GPC5: variants seen among roughly 807,000 people sequenced by gnomAD.
GPC5 encodes the protein glypican 5, also known as glypican-5.
Under a neutral mutation model 53.9 loss-of-function variants are expected in GPC5, and 47 were observed. That is an observed-to-expected ratio of 0.87 (90% CI 0.69 to 1.11). The LOEUF is 1.11. GPC5 is among the 50% of genes most tolerant of loss of function. The probability of loss-of-function intolerance (pLI) is 0.00; values close to 1 mark genes in which losing one functional copy is unlikely to be tolerated. For missense variants in GPC5, 748 were observed against 713.1 expected (o/e 1.05, Z -0.56); for synonymous variants, 286 against 263.3 (o/e 1.09, Z -0.84).
chr13:92,099,139 A>G lies in GPC5; in HGVS notation c.1402-45691A>G, dbSNP rs191516232. 1.8e-3 allele frequency among the ~76,000 whole-genome samples: 274 copies of G among 152,216 alleles called. 1 individual carries two copies. The highest frequency in any genetic ancestry group is 6.4e-3 in the African/African-American group (264 of 41,544). ...AGTTTTTTTCCCCTCCACACCAACTATCACATTTTTAGGTAAGTTTCATTA... is the reference window on the plus strand; with the variant it reads ...AGTTTTTTTCCCCTCCACACCAACTGTCACATTTTTAGGTAAGTTTCATTA... On this transcript the variant is annotated intron_variant, in intron 6 of 7. Transcript: ENST00000377067.
At chr13:91,890,963 A>G (rs536746689) in intron 5 of GPC5, among the ~76,000 whole-genome samples, 1 of 152,270 alleles carries the variant, frequency 6.6e-6, no homozygotes, top group South Asian at 2.1e-4. Context: ...TATGGCATCA[A>G]GCAGTTTGGT....
intron 7 of GPC5, among the ~76,000 whole-genome samples, chr13:92,217,894 C>T (rs1048029546): frequency 4.1e-5 from 6 of 147,162 alleles, no homozygotes; most frequent in South Asian, 2.1e-4. Flanking sequence ...AATTCCATGG[C>T]ACTGGTATTA....
chr13:91,925,094 C>T (rs1291124529), intron 6 of GPC5, among the ~76,000 whole-genome samples: 2 of 152,182 alleles, frequency 1.3e-5, no homozygotes, highest in Non-Finnish European at 2.9e-5. Context: ...GCCGGGATTA[C>T]AGGCGTGAGC....
At chr13:92,605,583 T>A (rs997460238) in intron 7 of GPC5, among the ~76,000 whole-genome samples, 15 of 149,526 alleles carry the variant, frequency 1.0e-4, no homozygotes, top group African/African-American at 3.3e-4. Flanking sequence ...CTAGTTTTTT[T>A]TTTTTTTTTA....
intron 7 of GPC5, among the ~76,000 whole-genome samples, chr13:92,610,363 A>G (rs1258414766): frequency 1.3e-5 from 2 of 152,176 alleles, no homozygotes; most frequent in Non-Finnish European, 2.9e-5. Flanking sequence ...CTAATGACAT[A>G]TTGATAATAG....
chr13:92,765,803 T>C (rs1303009721), intron 7 of GPC5, among the ~76,000 whole-genome samples: 2 of 152,144 alleles, frequency 1.3e-5, no homozygotes, highest in African/African-American at 2.4e-5. Context: ...AGGGGCCAGA[T>C]AGTAATATTT....
intron 7 of GPC5, among the ~76,000 whole-genome samples, chr13:92,305,051 T>C (rs767154290): frequency 4.6e-5 from 7 of 152,176 alleles, no homozygotes; most frequent in Non-Finnish European, 7.3e-5. Context: ...TTCAAAGTTG[T>C]TTAAGAATAA....
At chr13:92,371,560 A>G (rs774463562) in intron 7 of GPC5, among the ~76,000 whole-genome samples, 34 of 152,178 alleles carry the variant, frequency 2.2e-4, no homozygotes, top group Non-Finnish European at 4.3e-4. Flanking sequence ...ATTGACTCAC[A>G]GTTTTGCATA....
At chr13:91,481,175 G>C (rs1248846484) in intron 2 of GPC5, among the ~76,000 whole-genome samples, 6 of 152,080 alleles carry the variant, frequency 3.9e-5, no homozygotes, top group African/African-American at 7.2e-5. Context: ...GTCTTGTGGT[G>C]AGCATTCACA....
intron 7 of GPC5, among the ~76,000 whole-genome samples, chr13:92,381,897 A>ATCATATAT (rs1218262542): frequency 0.072 from 7,328 of 101,098 alleles, 745 homozygotes; most frequent in African/African-American, 0.19. Flanking sequence ...TATTATATAT[A>ATCATATAT]ATCATATATA....
In GPC5 at chr13:91,935,532, A is replaced by G. The variant is rs4424785; in HGVS notation, c.1401+27475A>G. Among the ~76,000 whole-genome samples the G allele has an allele frequency of 4.5e-3, 689 of 152,050 alleles. 8 individuals carry two copies. Among genetic ancestry groups the G allele is most frequent in the African/African-American group, 0.015 (642 of 41,478 alleles). ...CCTTGAGTTTGGACTGTCAGCCTCT[A>G]GAATTGTAAAGAAATGATATTTTTT... On this transcript the variant is annotated intron_variant, in intron 6 of 7. Transcript: ENST00000377067.
Position 91,676,219 on chromosome 13 carries a change from C to T in GPC5, c.326-16968C>T, listed in dbSNP as rs544555237. ...CCAAGTAGCTGGGATTACAGGTGCC[C>T]GCCACCACGCCTGACTAATTTTTGT... On this transcript the variant is annotated intron_variant, in intron 2 of 7. Coordinates refer to ENST00000377067, the MANE Select transcript of GPC5 (RefSeq NM_004466.6). 1.2e-4 allele frequency among the ~76,000 whole-genome samples: 19 copies of T among 152,136 alleles called. No homozygotes were observed. In the South Asian group the frequency reaches 2.3e-3, roughly 18 times the overall value.
chr13:92,349,535 CAAGT>C (rs1221102627), intron 7 of GPC5, among the ~76,000 whole-genome samples: 1 of 150,948 alleles, frequency 6.6e-6, no homozygotes, highest in Non-Finnish European at 1.5e-5. Context: ...AAAAAAGACT[CAAGT>C]AAATAAAATC....
At chr13:92,801,027 GAAAAA>G (rs936476314) in intron 7 of GPC5, among the ~76,000 whole-genome samples, 2 of 143,066 alleles carry the variant, frequency 1.4e-5, no homozygotes, top group Admixed American at 7.0e-5. Flanking sequence ...ACTAAAAAAA[GAAAAA>G]AAAAAGAAAA....
chr13:91,657,564 T>A (rs1452235073), intron 2 of GPC5, among the ~76,000 whole-genome samples: 3 of 152,042 alleles, frequency 2.0e-5, no homozygotes, highest in Admixed American at 2.0e-4. Context: ...ACAAAAAAAT[T>A]ATCCCACCCA....
chr13:92,008,059 ATTTTTTTT>A (rs33911884), intron 6 of GPC5, among the ~76,000 whole-genome samples: 1 of 127,204 alleles, frequency 7.9e-6, no homozygotes, highest in African/African-American at 2.9e-5. Context: ...AATGAGAATA[ATTTTTTTT>A]TTTTTTTTTT....
At chr13:92,057,290 CA>C (rs964835227) in intron 6 of GPC5, among the ~76,000 whole-genome samples, 1 of 113,760 alleles carries the variant, frequency 8.8e-6, no homozygotes, top group East Asian at 3.9e-4. Flanking sequence ...ATGTGGAAAA[CA>C]AAAAAACAAA....
chr13:92,292,258 C>T (rs1566523324), intron 7 of GPC5, among the ~76,000 whole-genome samples: 1 of 152,184 alleles, frequency 6.6e-6, no homozygotes, highest in Non-Finnish European at 1.5e-5. Context: ...AAGGAATCTC[C>T]ACACTGCTTC....
chr13:92,013,696 T>G (rs568259621), intron 6 of GPC5, among the ~76,000 whole-genome samples: 1 of 152,266 alleles, frequency 6.6e-6, no homozygotes, highest in East Asian at 1.9e-4. Context: ...CTATCATTAC[T>G]TGTGTTAAAT....
Sources: allele counts gnomAD v4.1 joint callset (sites outside exome capture counted in the v4.1 genomes callset), GRCh38; gene constraint gnomAD v4.1.1; transcripts MANE v1.5; gene names NCBI Gene and HGNC (gene_info 2026-07-23, HGNC 2026-07-21).